Variants in SLC35D2 observed in about 807,000 individuals in gnomAD.
SLC35D2 encodes nucleotide sugar transporter SLC35D2.
Under a neutral mutation model 41.8 loss-of-function variants are expected in SLC35D2, and 43 were observed. The ratio of observed to expected loss-of-function variants is 1.03; its 90% CI spans 0.81 to 1.33. The LOEUF (loss-of-function observed/expected upper bound fraction) is 1.33, where lower values mean the gene tolerates loss of function less well. Ranked by LOEUF, SLC35D2 falls within the 40% of genes most tolerant of loss-of-function variation. The pLI, the probability that SLC35D2 is intolerant of heterozygous loss-of-function variation, is 0.00. For synonymous variants in SLC35D2, 150 were observed against 163.9 expected, an observed-to-expected ratio of 0.92 and a Z score of 0.65; for missense variants, 380 against 408.4, an observed-to-expected ratio of 0.93 and a Z score of 0.60.
chr9:96,378,448 CA>C (rs1304651790), intron 1 of SLC35D2, among the ~76,000 whole-genome samples: 3 of 150,068 alleles, frequency 2.0e-5, no homozygotes, highest in Non-Finnish European at 3.0e-5. Flanking sequence ...ACAAAACAAA[CA>C]AAAAAAAACC....
intron 4 of SLC35D2, among the ~76,000 whole-genome samples, chr9:96,353,626 G>A (rs763882096): frequency 7.9e-5 from 12 of 152,218 alleles, no homozygotes; most frequent in Admixed American, 3.3e-4. Flanking sequence ...GATTATAGGC[G>A]TGAGCCACCG....
At chr9:96,343,764 A>T in intron 8 of SLC35D2, 140 bp downstream of exon 8, 2 of 526,222 alleles carry the variant, frequency 3.8e-6, no homozygotes, top group South Asian at 6.3e-5. Flanking sequence ...GTTACTAGGG[A>T]TATCAAACAT....
chr9:96,340,836 G>A (rs1017954160), intron 8 of SLC35D2, among the ~76,000 whole-genome samples: 25 of 152,002 alleles, frequency 1.6e-4, no homozygotes, highest in Non-Finnish European at 2.4e-4. Context: ...TCACTCTGGC[G>A]GCTCGAAGGT....
At chr9:96,347,502 T>C (rs902203064) in intron 6 of SLC35D2, among the ~76,000 whole-genome samples, 1 of 152,196 alleles carries the variant, frequency 6.6e-6, no homozygotes, top group Non-Finnish European at 1.5e-5. Flanking sequence ...GTCTCCTGAG[T>C]AGCTGGGACT....
At chr9:96,378,649 TA>T (rs755440848) in intron 1 of SLC35D2, among the ~76,000 whole-genome samples, 5 of 152,130 alleles carry the variant, frequency 3.3e-5, no homozygotes, top group Non-Finnish European at 7.4e-5. Flanking sequence ...CTCACGCTAG[TA>T]ATCTCAGCAC....
At chr9:96,378,636 T>C (rs779346386) in intron 1 of SLC35D2, among the ~76,000 whole-genome samples, 2 of 152,142 alleles carry the variant, frequency 1.3e-5, no homozygotes, top group Non-Finnish European at 2.9e-5. Context: ...CTTGGTGTGG[T>C]AGCTCACGCT....
At chr9:96,317,719 A>T (rs977625129), downstream of SLC35D2, among the ~76,000 whole-genome samples, 11 of 152,112 alleles carry the variant, frequency 7.2e-5, no homozygotes, top group Admixed American at 5.9e-4. Flanking sequence ...ATGCAACAGG[A>T]GGTAGTTAAC....
chr9:96,356,193 G>A lies in SLC35D2; in HGVS notation c.347+3961C>T, dbSNP rs547770321. Among the ~76,000 whole-genome samples the A allele has an allele frequency of 2.6e-5, 4 of 152,310 alleles. No individual in the cohort carries two copies. The East Asian group carries it at 7.7e-4, about 29-fold the overall frequency. On this transcript the variant is annotated intron_variant, in intron 4 of 11. Coordinates refer to ENST00000253270, the MANE Select transcript of SLC35D2 (RefSeq NM_007001.3). ...GGCTCCCCTTCCCCTTCTGCCAGGA[G>A]GGCCTGAGGCCCTCACCAGATGCAG... is the stretch of plus-strand genomic sequence containing the variant.
intron 1 of SLC35D2, chr9:96,373,891 G>A (rs1034265483): frequency 3.3e-5 from 5 of 152,274 alleles, no homozygotes; most frequent in Middle Eastern, 3.4e-3. Flanking sequence ...GGAAGTTGTT[G>A]TTAAGTTTGT....
chr9:96,361,590 C>T (rs1422898329), intron 3 of SLC35D2, among the ~76,000 whole-genome samples: 1 of 151,952 alleles, frequency 6.6e-6, no homozygotes, highest in Non-Finnish European at 1.5e-5. Flanking sequence ...GAGGCTGAGA[C>T]AGGAGGATCA....
At chr9:96,330,966 C>T (rs566565881) in intron 9 of SLC35D2, among the ~76,000 whole-genome samples, 172 of 152,296 alleles carry the variant, frequency 1.1e-3, no homozygotes, top group African/African-American at 4.0e-3. Context: ...GGCACAGCCT[C>T]GGCTCACTGC....
Position 96,358,080 on chromosome 9 carries a change from TTATATATATA to T in SLC35D2, c.347+2064_347+2073del, listed in dbSNP as rs34633441. Among the ~76,000 whole-genome samples the T allele has an allele frequency of 1.2e-3, 147 of 122,696 alleles. 12 individuals carry two copies. The highest frequency in any genetic ancestry group is 5.5e-3 in the African/African-American group (141 of 25,622). 80.5% of individuals were successfully genotyped at this position (122,696 alleles called of 152,430 possible). On this transcript the variant is annotated intron_variant, in intron 4 of 11. Coordinates refer to ENST00000253270, the MANE Select transcript of SLC35D2 (RefSeq NM_007001.3). ...ATGGATAAACAAAATATTATATATT[TTATATATATA>T]TATATATATATATATATACCTGCAA... is the stretch of plus-strand genomic sequence containing the variant.
chr9:96,368,156 TG>T, intron 2 of SLC35D2, 115 bp downstream of exon 2: 2 of 668,174 alleles, frequency 3.0e-6, no homozygotes, highest in Non-Finnish European at 5.1e-6. Context: ...CATGACCCTC[TG>T]GTCCTCTGCC....
At chr9:96,358,802 A>G (rs541138791) in intron 4 of SLC35D2, among the ~76,000 whole-genome samples, 4 of 152,056 alleles carry the variant, frequency 2.6e-5, no homozygotes, top group Non-Finnish European at 5.9e-5. Context: ...TAGCCTGGCC[A>G]ACATGGTGAA....
In SLC35D2 at chr9:96,343,953, A is replaced by G. The variant is rs1296856552; in HGVS notation, c.635T>C (p.Met212Thr). 5.0e-6 allele frequency: 8 copies of G among 1,601,978 alleles called. No homozygotes were observed. The African/African-American group carries it at 6.8e-5, about 14-fold the overall frequency. ...YGVLFYNACF[M>T]IIPTLIISVS... is the part of the protein sequence containing the mutation. ...ACTAATAATAAGAGTTGGGATAATC[A>G]TGAAGCAGGCATTGTAGAAAAGTAC... is the stretch of plus-strand genomic sequence containing the variant. Residue 212 changes from methionine to threonine, a missense_variant, in exon 8 of 12, where the codon ATG (methionine) becomes ACG (threonine). Physicochemically the swap from Met to Thr is moderately conservative, Grantham distance 81. Coordinates refer to ENST00000253270, the MANE Select transcript of SLC35D2 (RefSeq NM_007001.3).
chr9:96,381,932 C>T (rs1437756498), intron 1 of SLC35D2, among the ~76,000 whole-genome samples: 1 of 152,184 alleles, frequency 6.6e-6, no homozygotes, highest in Non-Finnish European at 1.5e-5. Context: ...ACCTGGAATG[C>T]TCTGTGACAG....
At chr9:96,365,922 A>C (rs1830454530) in intron 2 of SLC35D2, among the ~76,000 whole-genome samples, 1 of 150,964 alleles carries the variant, frequency 6.6e-6, no homozygotes, top group African/African-American at 2.4e-5. Context: ...TACAAACTTA[A>C]AACTTATAAT....
intron 2 of SLC35D2, 71 bp downstream of exon 2, chr9:96,368,201 A>C (rs1830549088): frequency 7.8e-7 from 1 of 1,289,534 alleles, no homozygotes; most frequent in Non-Finnish European, 1.1e-6. Context: ...AGCTTTAAAC[A>C]AAAGGACTTA....
intron 1 of SLC35D2, among the ~76,000 whole-genome samples, chr9:96,375,362 G>A (rs2131030130): frequency 6.6e-6 from 1 of 151,736 alleles, no homozygotes; most frequent in South Asian, 2.1e-4. Context: ...TGGATCACCT[G>A]ATGTCAGGAG....
Sources: allele counts gnomAD v4.1 joint callset (sites outside exome capture counted in the v4.1 genomes callset), GRCh38; gene constraint gnomAD v4.1.1; transcripts MANE v1.5; gene names NCBI Gene and HGNC (gene_info 2026-07-23, HGNC 2026-07-21).